The following TSPAN11 variants were observed in gnomAD, a reference collection of about 807,000 sequenced individuals.
TSPAN11 encodes tetraspanin 11.
In TSPAN11, 29 loss-of-function variants were observed where a neutral mutation model predicts 32.9. The observed-to-expected ratio is 0.88, with a 90% CI of 0.66 to 1.20. The LOEUF (loss-of-function observed/expected upper bound fraction) is 1.20. Ranked by LOEUF, TSPAN11 falls within the 50% of genes most tolerant of loss-of-function variation. TSPAN11 has a pLI of 0.00. For synonymous variants in TSPAN11, 140 were observed against 141.3 expected, an observed-to-expected ratio of 0.99 and a Z score of 0.07; for missense variants, 283 against 329.1, an observed-to-expected ratio of 0.86 and a Z score of 1.08.
intron 2 of TSPAN11, among the ~76,000 whole-genome samples, chr12:30,963,385 G>A (rs1217734718): frequency 2.0e-5 from 3 of 152,202 alleles, no homozygotes; most frequent in Non-Finnish European, 4.4e-5. Context: ...AACAAGGGGC[G>A]GTGCTCGAAC....
rs1008884746 is a variant in TSPAN11, at chr12:30,992,992, C to T, written c.*1077C>T. 6.6e-6 allele frequency: 1 copy of T among 152,232 alleles called. No individual in the cohort carries two copies. Among genetic ancestry groups the T allele is most frequent in the African/African-American group, 2.4e-5 (1 of 41,456 alleles). 9.4% of individuals were successfully genotyped at this position (152,232 alleles called of 1,614,324 possible). Reference sequence around the variant, plus strand: ...GGGTTCTCTCTTGCATCACTAAGTTCAGCAGGGAATTTGCGGAATTTTCAG... The same window carrying T: ...GGGTTCTCTCTTGCATCACTAAGTTTAGCAGGGAATTTGCGGAATTTTCAG... On this transcript the variant is annotated 3_prime_UTR_variant, in exon 8 of 8. Coordinates refer to ENST00000546076, the MANE Select transcript of TSPAN11 (RefSeq NM_001370302.1).
chr12:30,942,475 G>A (rs1938185988), intron 1 of TSPAN11, among the ~76,000 whole-genome samples: 1 of 152,120 alleles, frequency 6.6e-6, no homozygotes, highest in South Asian at 2.1e-4. Flanking sequence ...TTTGTCACAA[G>A]CACTGAAGTT....
downstream of TSPAN11, among the ~76,000 whole-genome samples, chr12:31,001,091 G>A (rs977294780): frequency 5.3e-5 from 8 of 152,092 alleles, no homozygotes; most frequent in African/African-American, 9.7e-5. Context: ...CTGTAGCTGC[G>A]GCCAGCTTTC....
intron 1 of TSPAN11, among the ~76,000 whole-genome samples, chr12:30,952,406 A>G (rs1425184342): frequency 6.6e-6 from 1 of 152,168 alleles, no homozygotes; most frequent in African/African-American, 2.4e-5. Context: ...TTCTCCTTTT[A>G]TATTTATTCC....
rs1360835855 is a variant in TSPAN11 at position 30,951,962 on chromosome 12, C to T, written c.-11-2019C>T. Among the ~76,000 whole-genome samples the T allele has an allele frequency of 2.0e-5, 3 of 152,186 alleles. No homozygotes were observed. In the East Asian group the frequency reaches 5.8e-4, roughly 29 times the overall value. On this transcript the variant is annotated intron_variant, in intron 1 of 7. Coordinates refer to ENST00000546076, the MANE Select transcript of TSPAN11 (RefSeq NM_001370302.1). ...TGCAGAAGATTGAATTAAGTGAGCC[C>T]AAAGGTTTCCCCTGACCCTGACATT...
Position 30,963,445 on chromosome 12 carries a change from T to C in TSPAN11, c.85-381T>C, listed in dbSNP as rs1023065389. On this transcript the variant is annotated intron_variant, in intron 2 of 7. Coordinates refer to ENST00000546076, the MANE Select transcript of TSPAN11 (RefSeq NM_001370302.1). The stretch of plus-strand genomic sequence containing the variant: ...AGAGGGAAGAAGTGCTCTGAAGGGA[T>C]AGGAGCCAGGGGTGGCAGGAGTTGG... Among the ~76,000 whole-genome samples, 10 of 152,244 alleles carry C rather than the reference T, an allele frequency of 6.6e-5. 1 individual carries two copies. The East Asian group carries it at 7.7e-4, about 12-fold the overall frequency.
chr12:30,967,543 T>G (rs1274045449), intron 3 of TSPAN11, among the ~76,000 whole-genome samples: 1 of 152,202 alleles, frequency 6.6e-6, no homozygotes, highest in Non-Finnish European at 1.5e-5. Context: ...CTGTAGAGAC[T>G]TGCCTGCGTT....
chr12:30,970,286 CT>C (rs1370074691), intron 3 of TSPAN11, among the ~76,000 whole-genome samples: 1 of 152,306 alleles, frequency 6.6e-6, no homozygotes, highest in East Asian at 1.9e-4. Flanking sequence ...AGTCTGGGGG[CT>C]GCTCTCACTC....
At chr12:30,990,472 T>C (rs1385023781) in intron 7 of TSPAN11, among the ~76,000 whole-genome samples, 2 of 152,226 alleles carry the variant, frequency 1.3e-5, no homozygotes, top group Admixed American at 6.5e-5. Flanking sequence ...TGGAACGGCA[T>C]GACGGCCGCC....
rs1435025585 is a variant in TSPAN11, at chr12:30,995,979, A to G, written c.*4064A>G. 3 of 152,264 alleles carry G rather than the reference A, an allele frequency of 2.0e-5. No individual in the cohort carries two copies. Among genetic ancestry groups the G allele is most frequent in the Admixed American group, 6.5e-5 (1 of 15,284 alleles). The allele number at this position is 152,264 out of a possible 1,614,324, so 9.4% of individuals were successfully genotyped here. A position where few individuals can be genotyped will look rare whatever the true frequency, so the allele number is the denominator to read the frequency against. ...TTACATGTCACAACGCTCAGGGTCC[A>G]TGAGTACCTCAGGCTGTCCAGCTGA... On this transcript the variant is annotated 3_prime_UTR_variant, in exon 8 of 8. Coordinates refer to ENST00000546076, the MANE Select transcript of TSPAN11 (RefSeq NM_001370302.1).
At chr12:30,969,723 A>G (rs192956530) in intron 3 of TSPAN11, among the ~76,000 whole-genome samples, 2 of 152,144 alleles carry the variant, frequency 1.3e-5, no homozygotes, top group African/African-American at 4.8e-5. Context: ...TATTGCATTG[A>G]TGGGACTGCC....
chr12:30,966,524 C>T (rs1377172281), intron 3 of TSPAN11, among the ~76,000 whole-genome samples: 1 of 152,262 alleles, frequency 6.6e-6, no homozygotes, highest in Non-Finnish European at 1.5e-5. Context: ...ATATTCACCC[C>T]CATTTTCCAG....
chr12:31,011,137 T>C, the TSPAN11 span, among the ~76,000 whole-genome samples: 4 of 152,206 alleles, frequency 2.6e-5, no homozygotes, highest in Non-Finnish European at 5.9e-5. Context: ...CTCATGCCTG[T>C]AATGCCAGCA....
At chr12:31,004,237 GCA>G in the TSPAN11 span, among the ~76,000 whole-genome samples, 1 of 152,192 alleles carries the variant, frequency 6.6e-6, no homozygotes, top group Non-Finnish European at 1.5e-5. Context: ...TCTGAGGGGT[GCA>G]TCCTGCCATT....
At chr12:31,005,884 T>G in the TSPAN11 span, 1 of 161,500 alleles carries the variant, frequency 6.2e-6, no homozygotes, top group African/African-American at 2.4e-5. Context: ...TACAGGAGCT[T>G]CAGCACTTCA....
intron 2 of TSPAN11, among the ~76,000 whole-genome samples, chr12:30,963,550 T>C (rs965060934): frequency 6.6e-6 from 1 of 152,188 alleles, no homozygotes; most frequent in Non-Finnish European, 1.5e-5. Flanking sequence ...CCTGGCCTCA[T>C]ACGCAATAGG....
intron 3 of TSPAN11, among the ~76,000 whole-genome samples, chr12:30,967,705 T>TTC: frequency 2.4e-5 from 1 of 41,084 alleles, no homozygotes; most frequent in African/African-American, 8.2e-5. Context: ...TGCACACACA[T>TTC]GCATATGCAC....
At chr12:30,998,763 G>C (rs1939449460), downstream of TSPAN11, among the ~76,000 whole-genome samples, 2 of 152,328 alleles carry the variant, frequency 1.3e-5, no homozygotes, top group South Asian at 4.1e-4. Context: ...TCCCGTGATG[G>C]GGATGAGGAG....
chr12:30,954,638 C>T (rs115954972), intron 2 of TSPAN11: 3,534 of 154,346 alleles, frequency 0.023, 127 homozygotes, highest in African/African-American at 0.079. Flanking sequence ...TAATTGGGAG[C>T]AGAATACCAT....
Sources: allele counts gnomAD v4.1 joint callset (sites outside exome capture counted in the v4.1 genomes callset), GRCh38; gene constraint gnomAD v4.1.1; transcripts MANE v1.5; gene names NCBI Gene and HGNC (gene_info 2026-07-23, HGNC 2026-07-21).